AFAP1: variants seen among roughly 807,000 people sequenced by gnomAD.
AFAP1 encodes the protein actin filament-associated protein 1.
A neutral mutation model predicts 93.9 loss-of-function variants in AFAP1; 75 were observed. The observed-to-expected ratio is 0.80, with a 90% CI of 0.66 to 0.97. The LOEUF is 0.97. Among genes scored for constraint, AFAP1 ranks in the 50% least tolerant of loss-of-function variants. The pLI is 0.00. For synonymous variants in AFAP1, 517 were observed against 430.7 expected (o/e 1.20, Z -2.48); for missense variants, 1,201 against 1,050.8 (o/e 1.14, Z -1.98).
At chr4:7,932,639 C>G (rs1292971918) in intron 1 of AFAP1, among the ~76,000 whole-genome samples, 1 of 152,174 alleles carries the variant, frequency 6.6e-6, no homozygotes, top group Non-Finnish European at 1.5e-5. Flanking sequence ...CTCCAAAACA[C>G]AAAGTTTAGC....
At chr4:7,880,353 C>T (rs1335013637) in intron 1 of AFAP1, among the ~76,000 whole-genome samples, 1 of 145,396 alleles carries the variant, frequency 6.9e-6, no homozygotes, top group African/African-American at 2.6e-5. Context: ...AATCTTGGCT[C>T]ACTGCAATCT....
intron 1 of AFAP1, among the ~76,000 whole-genome samples, chr4:7,932,316 T>C (rs1202099991): frequency 6.6e-6 from 1 of 152,254 alleles, no homozygotes; most frequent in Non-Finnish European, 1.5e-5. Flanking sequence ...AGTTGTTTTC[T>C]TGACCACAGG....
At chr4:7,844,404 C>G (rs965408327) in intron 4 of AFAP1, among the ~76,000 whole-genome samples, 4 of 152,160 alleles carry the variant, frequency 2.6e-5, no homozygotes, top group Non-Finnish European at 5.9e-5. Flanking sequence ...AACCTGGACT[C>G]CCGGACTGAC....
intron 1 of AFAP1, among the ~76,000 whole-genome samples, chr4:7,897,913 C>T (rs149411864): frequency 6.6e-6 from 1 of 152,268 alleles, no homozygotes; most frequent in African/African-American, 2.4e-5. Context: ...TGCTATAACC[C>T]ACTCCTCCCA....
At chr4:7,913,358 C>T (rs1444740630) in intron 1 of AFAP1, among the ~76,000 whole-genome samples, 4 of 149,356 alleles carry the variant, frequency 2.7e-5, no homozygotes, top group Non-Finnish European at 5.9e-5. Context: ...CCACTACACT[C>T]CAGCCTGGGA....
At chr4:7,781,161 G>A (rs16841211) in intron 13 of AFAP1, among the ~76,000 whole-genome samples, 23,023 of 152,130 alleles carry the variant, frequency 0.15, 1,969 homozygotes, top group African/African-American at 0.22. Flanking sequence ...GCCAGATGTG[G>A]GCAAAGAAAC....
At position 7,825,910 on chromosome 4, in the gene AFAP1, AG is replaced by A. The variant is rs767338298; in HGVS notation, c.727-6740del. ...CAGTTACCACACAGAAGAGCATGCAAGACCATCACTCCCACCCTGACAAATA... is the reference window on the plus strand; with the variant it reads ...CAGTTACCACACAGAAGAGCATGCAAACCATCACTCCCACCCTGACAAATA... On this transcript the variant is annotated intron_variant, in intron 6 of 17. Transcript: ENST00000420658. 5.6e-4 allele frequency among the ~76,000 whole-genome samples: 85 copies of A among 152,062 alleles called. 1 individual carries two copies. Among genetic ancestry groups the A allele is most frequent in the Non-Finnish European group, 1.1e-3 (73 of 67,974 alleles).
chr4:7,880,951 G>A (rs926710222), intron 1 of AFAP1, among the ~76,000 whole-genome samples: 17 of 152,174 alleles, frequency 1.1e-4, no homozygotes, highest in Non-Finnish European at 7.3e-5. Context: ...CTTTACTGAT[G>A]TGCAAAACAC....
At chr4:7,819,305 T>C (rs1400834757) in intron 6 of AFAP1, 134 bp from the exon 7 acceptor site, 1 of 689,918 alleles carries the variant, frequency 1.4e-6, no homozygotes, top group East Asian at 3.0e-5. Flanking sequence ...GGCTCTGAGT[T>C]CCAGCGTGCC....
chr4:7,861,199 A>G (rs1468088868), intron 3 of AFAP1, among the ~76,000 whole-genome samples: 2 of 152,240 alleles, frequency 1.3e-5, no homozygotes, highest in African/African-American at 4.8e-5. Context: ...ATAATTTGAA[A>G]TAAGAAAATC....
At chr4:7,815,204 T>G (rs1033432366) in intron 8 of AFAP1, among the ~76,000 whole-genome samples, 32 of 151,196 alleles carry the variant, frequency 2.1e-4, no homozygotes, top group African/African-American at 7.8e-4. Flanking sequence ...CCTAGAGGAG[T>G]CAGATTCATG....
chr4:7,776,278 A>C (rs771071852), intron 14 of AFAP1: 4 of 152,148 alleles, frequency 2.6e-5, no homozygotes, highest in Non-Finnish European at 4.4e-5. Context: ...AGGTGGCTAG[A>C]AACCCACACT....
chr4:7,814,824 G>A (rs1282458244), intron 8 of AFAP1, among the ~76,000 whole-genome samples: 2 of 152,192 alleles, frequency 1.3e-5, no homozygotes, highest in Non-Finnish European at 2.9e-5. Context: ...CTTGATTGTG[G>A]TGATGGTTCT....
intron 3 of AFAP1, among the ~76,000 whole-genome samples, chr4:7,861,779 G>C (rs952104413): frequency 1.8e-4 from 27 of 152,238 alleles, no homozygotes; most frequent in Admixed American, 4.6e-4. Flanking sequence ...ATTCCTCAAA[G>C]ATGATGAAAA....
At chr4:7,937,756 G>A (rs1721475916) in intron 1 of AFAP1, among the ~76,000 whole-genome samples, 1 of 152,100 alleles carries the variant, frequency 6.6e-6, no homozygotes, top group African/African-American at 2.4e-5. Context: ...CAAAGTTCTG[G>A]GATTACAGGC....
At chr4:7,779,109 C>G (rs1379008013) in intron 13 of AFAP1, 5 of 505,558 alleles carry the variant, frequency 9.9e-6, no homozygotes, top group Non-Finnish European at 1.8e-5. Context: ...ATGTGTTCCG[C>G]TGGAACACTG....
At chr4:7,805,563 G>A (rs1719432061) in intron 9 of AFAP1, among the ~76,000 whole-genome samples, 1 of 152,206 alleles carries the variant, frequency 6.6e-6, no homozygotes, top group African/African-American at 2.4e-5. Context: ...TGAGCTCAGT[G>A]TTTCATGTAT....
chr4:7,867,169 A>G (rs1175371430), intron 3 of AFAP1, among the ~76,000 whole-genome samples: 1 of 150,590 alleles, frequency 6.6e-6, no homozygotes, highest in Non-Finnish European at 1.5e-5. Context: ...GAAGGGCAGC[A>G]TCAAAGCCCC....
chr4:7,847,227 T>C (rs962580365), intron 4 of AFAP1, among the ~76,000 whole-genome samples: 1 of 151,956 alleles, frequency 6.6e-6, no homozygotes, highest in Non-Finnish European at 1.5e-5. Flanking sequence ...CCAGAAAGTA[T>C]GCTTAGCGAT....
Sources: gnomAD v4.1 joint callset for allele counts (sites outside exome capture counted in the v4.1 genomes callset) on GRCh38, gnomAD v4.1.1 for gene constraint, MANE v1.5 for transcripts, NCBI Gene and HGNC (gene_info 2026-07-23, HGNC 2026-07-21) for gene names.